Variants in MCF2L observed in about 807,000 individuals in gnomAD.
MCF2L encodes the protein guanine nucleotide exchange factor DBS.
A neutral mutation model predicts 153.4 loss-of-function variants in MCF2L; 97 were observed. The ratio of observed to expected loss-of-function variants is 0.63; its 90% CI spans 0.54 to 0.75. The LOEUF (loss-of-function observed/expected upper bound fraction) is 0.75. Ranked by LOEUF, MCF2L falls within the 30% of genes least tolerant of loss-of-function variation. The probability of loss-of-function intolerance (pLI) is 0.00; values close to 1 mark genes in which losing one functional copy is unlikely to be tolerated. For missense variants in MCF2L, 1,347 were observed against 1,495.2 expected, an observed-to-expected ratio of 0.90 and a Z score of 1.64; for synonymous variants, 659 against 632.2, an observed-to-expected ratio of 1.04 and a Z score of -0.64.
At chr13:112,986,511 C>T (rs919936648) in intron 1 of MCF2L, among the ~76,000 whole-genome samples, 4 of 152,240 alleles carry the variant, frequency 2.6e-5, no homozygotes, top group South Asian at 2.1e-4. Context: ...CCACTGCCCT[C>T]GGAGGACCCA....
Position 113,046,650 on chromosome 13 carries a change from C to G in MCF2L, c.369+1289C>G, listed in dbSNP as rs760921381. ...GCCCACAACCTTCATCGTTTTGGTGCAAGCCTGTCCCTGAGCCGCTGGTTC... is the reference window on the plus strand; with the variant it reads ...GCCCACAACCTTCATCGTTTTGGTGGAAGCCTGTCCCTGAGCCGCTGGTTC... On this transcript the variant is annotated intron_variant, in intron 4 of 29. Transcript: ENST00000535094. This position sits in a 1 kb window ranked among gnomAD's most constrained non-coding sequence, Gnocchi z 4.4. The G allele has an allele frequency of 9.4e-6, 5 of 533,334 alleles. No homozygotes were observed. Among genetic ancestry groups the G allele is most frequent in the South Asian group, 7.0e-5 (5 of 71,572 alleles). 33.0% of individuals were successfully genotyped at this position (533,334 alleles called of 1,614,324 possible).
chr13:113,061,837 C>T (rs1260766246), intron 5 of MCF2L, among the ~76,000 whole-genome samples: 2 of 40,530 alleles, frequency 4.9e-5, no homozygotes. Flanking sequence ...CTCTCCCCTC[C>T]CCCTCCCTCC....
intron 1 of MCF2L, among the ~76,000 whole-genome samples, chr13:112,973,876 T>C (rs1189476257): frequency 6.6e-6 from 1 of 152,146 alleles, no homozygotes; most frequent in East Asian, 1.9e-4. Context: ...GTTCCGAGTT[T>C]CATGGGGACT....
chr13:112,935,972 C>G (rs755689470), intron 2 of MCF2L, among the ~76,000 whole-genome samples: 4 of 152,268 alleles, frequency 2.6e-5, no homozygotes, highest in Admixed American at 2.0e-4. Context: ...ATCCTTCCCT[C>G]GCAGCCTCAG....
chr13:112,992,806 A>G (rs1012588950), intron 1 of MCF2L, among the ~76,000 whole-genome samples: 8 of 152,244 alleles, frequency 5.3e-5, no homozygotes, highest in African/African-American at 1.7e-4. Flanking sequence ...TCTACAGAAC[A>G]TCGGGAACAC....
intron 2 of MCF2L, among the ~76,000 whole-genome samples, chr13:112,913,316 G>A (rs1253939908): frequency 6.6e-6 from 1 of 152,060 alleles, no homozygotes; most frequent in African/African-American, 2.4e-5. Context: ...GTTTATGTGT[G>A]TGTGTCTTTG....
Position 112,951,315 on chromosome 13 carries a change from A to G in MCF2L, c.169+48944A>G, listed in dbSNP as rs2081690770. Among the ~76,000 whole-genome samples the G allele has an allele frequency of 6.6e-6, 1 of 152,238 alleles. No homozygotes were observed. The highest frequency in any genetic ancestry group is 1.5e-5 in the Non-Finnish European group (1 of 68,038). ...TTAGCAGTTTCTTTTAAAACAAAAT[A>G]TGCAACTCTCATATGACCCAGCAAT... On this transcript the variant is annotated intron_variant, in intron 2 of 29. Coordinates refer to the MCF2L transcript ENST00000375608. The surrounding 1 kb of genome is among the most constrained non-coding windows in gnomAD (Gnocchi z 4.8).
Position 112,969,646 on chromosome 13 carries a change from C to G in MCF2L, c.79+188C>G. ...AGGCTGTCGGCGATCGTATGCTGCC[C>G]GGGATAGTCAAAATGACTGCACGTT... is the stretch of plus-strand genomic sequence containing the variant. On this transcript the variant is annotated intron_variant, in intron 1 of 29. Coordinates refer to ENST00000535094, the MANE Select transcript of MCF2L (RefSeq NM_001112732.3). This position sits in a 1 kb window ranked among gnomAD's most constrained non-coding sequence, Gnocchi z 4.8. 1.7e-6 allele frequency: 1 copy of G among 571,808 alleles called. No homozygotes were observed. The highest frequency in any genetic ancestry group is 2.2e-6 in the Non-Finnish European group (1 of 451,842). 35.4% of individuals were successfully genotyped at this position (571,808 alleles called of 1,614,324 possible).
chr13:112,947,752 G>A (rs1161326383), intron 2 of MCF2L, among the ~76,000 whole-genome samples: 1 of 152,150 alleles, frequency 6.6e-6, no homozygotes, highest in African/African-American at 2.4e-5. Flanking sequence ...CCCAGGCTGG[G>A]GCTACACACT....
intron 3 of MCF2L, among the ~76,000 whole-genome samples, chr13:113,036,904 A>T (rs2086192956): frequency 6.6e-6 from 1 of 152,196 alleles, no homozygotes; most frequent in Non-Finnish European, 1.5e-5. Context: ...CTCACTCTCA[A>T]ATCATCACAT....
chr13:113,065,208 G>C, intron 7 of MCF2L, 123 bp downstream of exon 7: 2 of 1,211,032 alleles, frequency 1.7e-6, no homozygotes, highest in African/African-American at 3.0e-5. Context: ...TCAGCAGCAC[G>C]TAAGACCAAG....
Position 113,030,302 on chromosome 13 carries a change from C to A in MCF2L, c.278+5544C>A, listed in dbSNP as rs2085574128. 2.3e-5 allele frequency among the ~76,000 whole-genome samples: 3 copies of A among 131,506 alleles called. No individual in the cohort carries two copies. The South Asian group carries it at 7.4e-4, about 32-fold the overall frequency. 86.3% of individuals were successfully genotyped at this position (131,506 alleles called of 152,430 possible). ...GCAGGTGTGGGCCCTCGGGTGTCCG[C>A]CGACGCCCGGTGTGGACCCTCAGGT... On this transcript the variant is annotated intron_variant, in intron 3 of 29. Transcript: ENST00000535094.
At chr13:112,956,805 T>G (rs573594142) in intron 2 of MCF2L, 3 of 152,274 alleles carry the variant, frequency 2.0e-5, no homozygotes, top group Non-Finnish European at 4.4e-5. Flanking sequence ...CTCACACTCC[T>G]TAAACTCTCC....
chr13:113,062,661 A>G (rs2031704503), intron 5 of MCF2L, among the ~76,000 whole-genome samples: 1 of 152,090 alleles, frequency 6.6e-6, no homozygotes, highest in South Asian at 2.1e-4. Flanking sequence ...GATGTGAAGG[A>G]TGCAGTTGTT....
At chr13:112,920,801 C>T (rs551143072) in intron 2 of MCF2L, among the ~76,000 whole-genome samples, 102 of 152,180 alleles carry the variant, frequency 6.7e-4, no homozygotes, top group African/African-American at 2.2e-3. Flanking sequence ...AAGAGCCCCA[C>T]AGGCTGAGGG....
chr13:113,088,502 G>A (rs2034859625), intron 24 of MCF2L, 60 bp from the exon 25 acceptor site: 1 of 1,607,426 alleles, frequency 6.2e-7, no homozygotes, highest in African/African-American at 1.3e-5. Flanking sequence ...CATGCGCAAG[G>A]TGCCTCGGCG....
intron 3 of MCF2L, among the ~76,000 whole-genome samples, chr13:113,036,899 T>C (rs1306832165): frequency 2.0e-5 from 3 of 152,204 alleles, no homozygotes; most frequent in Non-Finnish European, 2.9e-5. Context: ...TAGGCCTCAC[T>C]CTCAAATCAT....
chr13:112,956,121 G>A (rs2081754107), intron 2 of MCF2L: 1 of 152,486 alleles, frequency 6.6e-6, no homozygotes, highest in Non-Finnish European at 1.5e-5. Context: ...AGCCGTGCTT[G>A]TAGGGCTGGC....
intron 1 of MCF2L, among the ~76,000 whole-genome samples, chr13:113,003,756 C>G (rs1185948863): frequency 1.3e-5 from 2 of 152,150 alleles, no homozygotes; most frequent in Non-Finnish European, 2.9e-5. Flanking sequence ...GTGCCAGGGT[C>G]AGCCAGGGTC....
Sources: gnomAD v4.1 joint callset for allele counts (sites outside exome capture counted in the v4.1 genomes callset) on GRCh38, gnomAD v4.1.1 for gene constraint, Gnocchi (gnomAD v3.1) non-coding constraint, MANE v1.5 for transcripts, NCBI Gene and HGNC (gene_info 2026-07-23, HGNC 2026-07-21) for gene names.